Variants in PP2D1 observed in about 807,000 individuals in gnomAD.
The protein encoded by PP2D1 is protein phosphatase 2C like domain containing 1.
PP2D1 carries 25 observed loss-of-function variants against 30.2 expected under a neutral mutation model. The ratio of observed to expected loss-of-function variants is 0.83; its 90% CI spans 0.60 to 1.16. PP2D1 has a LOEUF of 1.16. Ranked by LOEUF, PP2D1 falls within the 50% of genes most tolerant of loss-of-function variation. PP2D1 has a pLI of 0.00. For synonymous variants in PP2D1, 260 were observed against 258.9 expected, an observed-to-expected ratio of 1.00 and a Z score of -0.04; for missense variants, 760 against 742.4, an observed-to-expected ratio of 1.02 and a Z score of -0.28.
Position 19,985,490 on chromosome 3 carries a change from C to T in PP2D1, c.1783G>A (p.Glu595Lys), listed in dbSNP as rs1267116667. 4 of 1,535,972 alleles carry T rather than the reference C, an allele frequency of 2.6e-6. No individual in the cohort carries two copies. The highest frequency in any genetic ancestry group is 2.7e-5 in the African/African-American group (2 of 73,044). The change falls in exon 3 of 3, where the codon GAG becomes AAG. Residue 595 changes from glutamate (E) to lysine (K), a missense_variant. Glu to Lys is a moderately conservative substitution (Grantham distance 56). This residue lies in a region of PP2D1 where 369 missense variants were observed against 316.2 expected (regional missense o/e 1.17). Coordinates refer to ENST00000389050, the MANE Select transcript of PP2D1 (RefSeq NM_001252657.2). ...TTTACAAGTTCATGGCTAACATACTCAGCTGCGCCTTCATAGAAACTCTTA... is the reference window on the plus strand; with the variant it reads ...TTTACAAGTTCATGGCTAACATACTTAGCTGCGCCTTCATAGAAACTCTTA... ...DTKSFYEGAAEYVSHELVNAA... is the reference protein window; with the variant it reads ...DTKSFYEGAAKYVSHELVNAA...
At chr3:19,990,552 G>A (rs1575083899) in intron 2 of PP2D1, among the ~76,000 whole-genome samples, 1 of 152,204 alleles carries the variant, frequency 6.6e-6, no homozygotes, top group East Asian at 1.9e-4. Flanking sequence ...AGGAAGCAGA[G>A]GGTGAGATTC....
At position 20,001,957 on chromosome 3, in the gene PP2D1, C is replaced by T; in HGVS notation, c.163G>A (p.Glu55Lys). Residue 55 changes from glutamate (E) to lysine (K), a missense_variant, in exon 2 of 3, where the codon GAG becomes AAG. By Grantham distance (56) the Glu-to-Lys change is moderately conservative. Coordinates refer to ENST00000389050, the MANE Select transcript of PP2D1 (RefSeq NM_001252657.2). Reference sequence around the variant, plus strand: ...GTGGTCCCTTGCTCATAGACCTGCTCCTCTTCATGGCGTTTGGTGTGTCTC... The same window carrying T: ...GTGGTCCCTTGCTCATAGACCTGCTTCTCTTCATGGCGTTTGGTGTGTCTC... ...PVRHTKRHEE[E>K]QVYEQGTTLP... The T allele has an allele frequency of 2.0e-6, 3 of 1,536,306 alleles. No individual in the cohort carries two copies. Among genetic ancestry groups the T allele is most frequent in the East Asian group, 2.4e-5 (1 of 40,918 alleles).
At chr3:19,998,941 A>AT in intron 2 of PP2D1, among the ~76,000 whole-genome samples, 1 of 152,202 alleles carries the variant, frequency 6.6e-6, no homozygotes, top group Middle Eastern at 3.4e-3. Flanking sequence ...TACAATTTGA[A>AT]TTTTTTTCAC....
At position 20,001,804 on chromosome 3, in the gene PP2D1, T is replaced by C. The variant is rs1434716189; in HGVS notation, c.316A>G (p.Ile106Val). Residue 106 changes from isoleucine (I) to valine (V), a missense_variant, in exon 2 of 3, where the codon ATT becomes GTT. Physicochemically the swap from Ile to Val is conservative, Grantham distance 29. Around this residue, in one of 3 missense-constraint regions of PP2D1, gnomAD observed 374 missense variants for 388.8 expected, o/e 0.96. Transcript: ENST00000389050. ...MGRKKPQPSV[I>V]AVQRQFMISK... The stretch of plus-strand genomic sequence containing the variant: ...ATCATGAACTGTCTCTGAACAGCAA[T>C]CACTGAGGGCTGTGGTTTCTTTCTA... The C allele has an allele frequency of 2.0e-6, 3 of 1,535,136 alleles. No homozygotes were observed. The highest frequency in any genetic ancestry group is 3.9e-5 in the Admixed American group (2 of 50,706).
At chr3:19,993,271 T>A (rs994858569) in intron 2 of PP2D1, among the ~76,000 whole-genome samples, 2 of 152,146 alleles carry the variant, frequency 1.3e-5, no homozygotes, top group African/African-American at 4.8e-5. Flanking sequence ...GGAGCAGTAA[T>A]GGGGCAGTCT....
rs556583856 is a variant in PP2D1, at chr3:19,993,983, C to T, written c.1090+7047G>A. On this transcript the variant is annotated intron_variant, in intron 2 of 2. Transcript: ENST00000389050. ...TCCTGACCTTGTGATCCACCCACCT[C>T]GGCCTCCCAAAGTTCTGGGATTACA... 1.6e-4 allele frequency among the ~76,000 whole-genome samples: 25 copies of T among 151,904 alleles called. No homozygotes were observed. In the East Asian group the frequency reaches 3.1e-3, roughly 19 times the overall value.
downstream of PP2D1, among the ~76,000 whole-genome samples, chr3:19,983,442 A>G (rs1334109370): frequency 1.3e-5 from 2 of 152,054 alleles, no homozygotes. Context: ...TACATAAAGC[A>G]CTAGTTAGGC....
rs754417260 is a variant in PP2D1 at position 19,985,877 on chromosome 3, C to G, written c.1396G>C (p.Val466Leu). The G allele has an allele frequency of 1.3e-6, 2 of 1,536,312 alleles. No homozygotes were observed. Among genetic ancestry groups the G allele is most frequent in the African/African-American group, 2.7e-5 (2 of 73,048 alleles). ...AATGTTGTCATTGCCAGGGCAGTAA[C>G]TTCCTCTTTATCCAAAACTTCCCAA... Reference protein sequence around the residue: ...GLWEVLDKEEVTALAMTTFHM... With the variant: ...GLWEVLDKEELTALAMTTFHM... The change falls in exon 3 of 3, where the codon GTT (valine) becomes CTT (leucine). Residue 466 changes from valine (V) to leucine (L), a missense_variant. Coordinates refer to ENST00000389050, the MANE Select transcript of PP2D1 (RefSeq NM_001252657.2).
chr3:19,989,915 A>G (rs931620997), intron 2 of PP2D1, among the ~76,000 whole-genome samples: 1 of 152,346 alleles, frequency 6.6e-6, no homozygotes, highest in East Asian at 1.9e-4. Context: ...AGAAATATGT[A>G]CTTACAATGG....
intron 1 of PP2D1, among the ~76,000 whole-genome samples, chr3:20,007,411 T>G (rs958814269): frequency 3.9e-5 from 6 of 152,056 alleles, no homozygotes; most frequent in African/African-American, 1.2e-4. Context: ...GACTTAGGAT[T>G]TTTTTTTCAG....
At chr3:20,000,713 T>C (rs1391935475) in intron 2 of PP2D1, among the ~76,000 whole-genome samples, 4 of 152,260 alleles carry the variant, frequency 2.6e-5, no homozygotes, top group African/African-American at 9.6e-5. Flanking sequence ...TTTTTAATTT[T>C]GTTCAGATTT....
chr3:19,985,581 AC>A lies in PP2D1; in HGVS notation c.1691del (p.Ser564MetfsTer4). 2 of 1,535,976 alleles carry A rather than the reference AC, an allele frequency of 1.3e-6. No individual in the cohort carries two copies. The highest frequency in any genetic ancestry group is 1.7e-6 in the Non-Finnish European group (2 of 1,146,838). On this transcript the variant is annotated frameshift_variant, in exon 3 of 3. Coordinates refer to ENST00000389050, the MANE Select transcript of PP2D1 (RefSeq NM_001252657.2). LOFTEE classifies it low-confidence loss of function (END_TRUNC). ...PAETTHRKPC[S>X]EKVTDRPTSV... ...TAGTTGGTCTGTCAGTTACTTTTTC[AC>A]TGCAAGGTTTACGATGAGTCGTTTC...
intron 2 of PP2D1, among the ~76,000 whole-genome samples, chr3:19,992,687 C>T (rs574861938): frequency 6.6e-6 from 1 of 152,314 alleles, no homozygotes; most frequent in East Asian, 1.9e-4. Context: ...AACCAGACTT[C>T]AAGCCTGAAA....
intron 1 of PP2D1, among the ~76,000 whole-genome samples, chr3:20,007,598 G>T (rs9838320): frequency 0.16 from 24,233 of 151,930 alleles, 2,116 homozygotes; most frequent in Non-Finnish European, 0.21. Context: ...GAGAAACTCC[G>T]TCTCTGCTAA....
intron 2 of PP2D1, among the ~76,000 whole-genome samples, chr3:19,989,459 G>A (rs1290189821): frequency 6.6e-6 from 1 of 152,136 alleles, no homozygotes; most frequent in Non-Finnish European, 1.5e-5. Context: ...AAAACATTTT[G>A]GAAACTACAT....
intron 2 of PP2D1, among the ~76,000 whole-genome samples, chr3:19,989,701 C>A (rs1264464004): frequency 5.9e-5 from 9 of 152,098 alleles, no homozygotes; most frequent in Admixed American, 3.3e-4. Flanking sequence ...GGTTCAGTAC[C>A]TCTTAAATGA....
At chr3:19,983,686 T>G, downstream of PP2D1, 1 of 1,437,226 alleles carries the variant, frequency 7.0e-7, no homozygotes. Context: ...AATATTCTAT[T>G]TATTTGATCA....
chr3:19,993,816 T>G (rs1697145974), intron 2 of PP2D1, among the ~76,000 whole-genome samples: 1 of 152,122 alleles, frequency 6.6e-6, no homozygotes, highest in Non-Finnish European at 1.5e-5. Context: ...CTCAGCTCAC[T>G]GCAACCTCTA....
intron 2 of PP2D1, among the ~76,000 whole-genome samples, chr3:19,992,680 C>G (rs1432473993): frequency 6.6e-6 from 1 of 152,130 alleles, no homozygotes; most frequent in African/African-American, 2.4e-5. Flanking sequence ...TTGAAGTAAC[C>G]AGACTTCAAG....
Sources: gnomAD v4.1 joint callset for allele counts (sites outside exome capture counted in the v4.1 genomes callset) on GRCh38, gnomAD v4.1.1 for gene constraint, gnomAD v4.1.1 regional missense constraint, MANE v1.5 for transcripts, NCBI Gene and HGNC (gene_info 2026-07-23, HGNC 2026-07-21) for gene names.